WFDC10B: variants seen among roughly 807,000 people sequenced by gnomAD.
The protein encoded by WFDC10B is protein WFDC10B.
WFDC10B carries 1 observed loss-of-function variant against 2.7 expected under a neutral mutation model. The observed-to-expected ratio is 0.38, with a 90% CI of 0.13 to 1.79. The LOEUF (loss-of-function observed/expected upper bound fraction) is 1.79, where lower values mean the gene tolerates loss of function less well. WFDC10B is among the 40% of genes most tolerant of loss of function. The pLI is 0.33. For synonymous variants in WFDC10B, 26 were observed against 32.2 expected (o/e 0.81, Z 0.65); for missense variants, 71 against 87.8 (o/e 0.81, Z 0.76).
chr20:45,696,943 G>A (rs1983997147), intron 2 of WFDC10B, among the ~76,000 whole-genome samples: 2 of 151,792 alleles, frequency 1.3e-5, no homozygotes, highest in Non-Finnish European at 2.9e-5. Flanking sequence ...AAAAAATTCA[G>A]AAAACTAGGA....
intron 2 of WFDC10B, among the ~76,000 whole-genome samples, chr20:45,692,519 G>C (rs1568671499): frequency 6.6e-6 from 1 of 152,112 alleles, no homozygotes; most frequent in Non-Finnish European, 1.5e-5. Flanking sequence ...ATATTTCTTG[G>C]AGGCTTTGTT....
At chr20:45,699,342 G>C (rs944619853) in intron 2 of WFDC10B, among the ~76,000 whole-genome samples, 1 of 152,128 alleles carries the variant, frequency 6.6e-6, no homozygotes, top group Non-Finnish European at 1.5e-5. Flanking sequence ...GTTCATAGCT[G>C]CATTATTTGC....
chr20:45,689,442 T>C (rs1047063233), intron 2 of WFDC10B, among the ~76,000 whole-genome samples: 2 of 152,140 alleles, frequency 1.3e-5, no homozygotes, highest in Non-Finnish European at 2.9e-5. Flanking sequence ...AGTATGGCCA[T>C]TTTCATGATA....
rs6094196 is a variant in WFDC10B at position 45,687,616 on chromosome 20, A to G, written c.-64-1560T>C. On this transcript the variant is annotated intron_variant, in intron 2 of 3. Transcript: ENST00000330523. The stretch of plus-strand genomic sequence containing the variant: ...TCTTCCACAATGGTTGAACTAATTT[A>G]CATTCCTACCAACAGCATGAAAGCG... Among the ~76,000 whole-genome samples, 697 of 152,268 alleles carry G rather than the reference A, an allele frequency of 4.6e-3. 6 individuals carry two copies. The highest frequency in any genetic ancestry group is 0.016 in the African/African-American group (660 of 41,544).
At chr20:45,693,915 C>G (rs1983900514) in intron 2 of WFDC10B, among the ~76,000 whole-genome samples, 1 of 152,214 alleles carries the variant, frequency 6.6e-6, no homozygotes, top group Admixed American at 6.5e-5. Context: ...CACCCGTCCT[C>G]TTCATCGCTC....
intron 2 of WFDC10B, among the ~76,000 whole-genome samples, chr20:45,691,739 G>A (rs890726907): frequency 6.6e-5 from 10 of 152,180 alleles, no homozygotes; most frequent in Non-Finnish European, 1.5e-4. Flanking sequence ...GTCTCTGCAT[G>A]TGAGATGGGT....
chr20:45,702,212 G>A (rs147189423), intron 2 of WFDC10B: 1 of 1,611,168 alleles, frequency 6.2e-7, no homozygotes, highest in African/African-American at 1.3e-5. Flanking sequence ...CGTGTTCTGA[G>A]TAGGTGCTGG....
chr20:45,697,746 T>C (rs1260421828), intron 2 of WFDC10B, among the ~76,000 whole-genome samples: 1 of 146,438 alleles, frequency 6.8e-6, no homozygotes, highest in East Asian at 2.0e-4. Context: ...CTTTTTCTTT[T>C]TTTTTTTTTT....
intron 2 of WFDC10B, among the ~76,000 whole-genome samples, chr20:45,700,129 C>T (rs946052820): frequency 6.6e-6 from 1 of 152,134 alleles, no homozygotes; most frequent in African/African-American, 2.4e-5. Flanking sequence ...ATATAGGAGA[C>T]TGGCTATATG....
intron 2 of WFDC10B, among the ~76,000 whole-genome samples, chr20:45,691,223 T>C (rs530889856): frequency 6.6e-6 from 1 of 152,326 alleles, no homozygotes; most frequent in Non-Finnish European, 1.5e-5. Flanking sequence ...ATTTCTGTTC[T>C]TTTACATTTG....
At chr20:45,697,742 C>CTTTTTTTTT (rs1162470530) in intron 2 of WFDC10B, among the ~76,000 whole-genome samples, 1 of 113,404 alleles carries the variant, frequency 8.8e-6, no homozygotes, top group Non-Finnish European at 1.9e-5. Flanking sequence ...ATTTCTTTTT[C>CTTTTTTTTT]TTTTTTTTTT....
intron 3 of WFDC10B, 86 bp downstream of exon 3, chr20:45,685,816 A>G: frequency 6.4e-7 from 1 of 1,552,262 alleles, no homozygotes; most frequent in Non-Finnish European, 8.7e-7. Flanking sequence ...AAAGGTTGCA[A>G]GTCCTAGGTC....
intron 2 of WFDC10B, among the ~76,000 whole-genome samples, chr20:45,703,153 G>T (rs935498019): frequency 3.9e-5 from 6 of 152,170 alleles, no homozygotes; most frequent in Non-Finnish European, 8.8e-5. Flanking sequence ...CAGAAGAGGG[G>T]TCAAGACTTG....
intron 2 of WFDC10B, among the ~76,000 whole-genome samples, chr20:45,698,714 C>A (rs572859253): frequency 6.6e-6 from 1 of 151,970 alleles, no homozygotes; most frequent in African/African-American, 2.4e-5. Context: ...TGCCTGTAAT[C>A]CCAGCACTTC....
intron 2 of WFDC10B, among the ~76,000 whole-genome samples, chr20:45,687,371 C>T (rs532039977): frequency 6.6e-6 from 1 of 152,244 alleles, no homozygotes; most frequent in South Asian, 2.1e-4. Flanking sequence ...CATAGTATTC[C>T]ATGGTGTATA....
intron 2 of WFDC10B, among the ~76,000 whole-genome samples, chr20:45,695,974 A>G (rs1983962821): frequency 6.6e-6 from 1 of 151,818 alleles, no homozygotes; most frequent in African/African-American, 2.4e-5. Flanking sequence ...GAAAATCTAT[A>G]ACTGTAAATA....
At chr20:45,701,756 C>T (rs1012884762) in intron 2 of WFDC10B, among the ~76,000 whole-genome samples, 7 of 132,932 alleles carry the variant, frequency 5.3e-5, no homozygotes, top group African/African-American at 1.9e-4. Context: ...AGCCAGACTC[C>T]ATCATCTCAA....
chr20:45,688,723 T>C (rs1479551553), intron 2 of WFDC10B, among the ~76,000 whole-genome samples: 1 of 152,202 alleles, frequency 6.6e-6, no homozygotes, highest in Non-Finnish European at 1.5e-5. Flanking sequence ...TTAGAGTTCA[T>C]TGTAGATTCT....
intron 2 of WFDC10B, among the ~76,000 whole-genome samples, chr20:45,688,987 G>A (rs1600954347): frequency 6.6e-6 from 1 of 151,508 alleles, no homozygotes; most frequent in African/African-American, 2.4e-5. Flanking sequence ...TAACGTTTAA[G>A]TCTTTAATCC....
Sources: gnomAD v4.1 joint callset for allele counts (sites outside exome capture counted in the v4.1 genomes callset) on GRCh38, gnomAD v4.1.1 for gene constraint, MANE v1.5 for transcripts, NCBI Gene and HGNC (gene_info 2026-07-23, HGNC 2026-07-21) for gene names.